DBX2: variants seen among roughly 807,000 people sequenced by gnomAD.
The protein encoded by DBX2 is developing brain homeobox 2, also known as homeobox protein DBX2.
DBX2 carries 16 observed loss-of-function variants against 17.7 expected under a neutral mutation model. The observed-to-expected ratio is 0.90, with a 90% CI of 0.61 to 1.37. The LOEUF is 1.37. Ranked by LOEUF, DBX2 falls within the 40% of genes most tolerant of loss-of-function variation. DBX2 has a pLI of 0.00. For synonymous variants in DBX2, 255 were observed against 183.8 expected, an observed-to-expected ratio of 1.39 and a Z score of -3.13; for missense variants, 538 against 433.8, an observed-to-expected ratio of 1.24 and a Z score of -2.13.
chr12:45,031,958 T>C (rs1946413074), intron 2 of DBX2, among the ~76,000 whole-genome samples: 3 of 152,152 alleles, frequency 2.0e-5, no homozygotes, highest in Non-Finnish European at 4.4e-5. Flanking sequence ...ACTAGGGCTA[T>C]AGACAAGATC....
chr12:45,020,420 C>T (rs1495034), intron 3 of DBX2, among the ~76,000 whole-genome samples: 72,458 of 151,674 alleles, frequency 0.48, 17,669 homozygotes, highest in South Asian at 0.75. Flanking sequence ...GGATATACCA[C>T]ATTTTGTCTA....
At chr12:45,037,174 A>G (rs186042588) in intron 1 of DBX2, among the ~76,000 whole-genome samples, 33 of 152,336 alleles carry the variant, frequency 2.2e-4, no homozygotes, top group African/African-American at 5.5e-4. Context: ...TATAAAGGAT[A>G]AAACATGAAT....
chr12:45,041,417 T>C (rs542651131), intron 1 of DBX2, among the ~76,000 whole-genome samples: 15 of 152,108 alleles, frequency 9.9e-5, no homozygotes, highest in Non-Finnish European at 1.9e-4. Context: ...CAAACATCTA[T>C]CTTGAATAGT....
Position 45,050,608 on chromosome 12 carries a change from A to G in DBX2, c.320T>C (p.Val107Ala). Residue 107 changes from valine to alanine, a missense_variant, in exon 1 of 4, where the codon GTG becomes GCG. Physicochemically the swap from Val to Ala is moderately conservative, Grantham distance 64. Coordinates refer to ENST00000332700, the MANE Select transcript of DBX2 (RefSeq NM_001004329.3). The stretch of plus-strand genomic sequence containing the variant: ...CGCACTGTCCGCAGAGGGACTGAGC[A>G]CTTGAAAAGCCCACCGCGTTCCGTA... ...APYGTRWAFQ[V>A]LSPSADSARL... The G allele has an allele frequency of 6.4e-7, 1 of 1,550,824 alleles. No homozygotes were observed. The highest frequency in any genetic ancestry group is 2.4e-5 in the East Asian group (1 of 40,948).
At chr12:45,021,634 C>T (rs1339583596) in intron 3 of DBX2, among the ~76,000 whole-genome samples, 2 of 152,182 alleles carry the variant, frequency 1.3e-5, no homozygotes, top group African/African-American at 2.4e-5. Context: ...CACTGAGTGG[C>T]AGGCCAGGCC....
intron 1 of DBX2, among the ~76,000 whole-genome samples, chr12:45,042,975 C>A (rs1174424730): frequency 2.6e-5 from 4 of 152,134 alleles, no homozygotes; most frequent in Non-Finnish European, 5.9e-5. Flanking sequence ...AAAAAATGAT[C>A]TAAACTCGAG....
At chr12:45,041,686 A>G (rs1048268071) in intron 1 of DBX2, among the ~76,000 whole-genome samples, 1 of 152,214 alleles carries the variant, frequency 6.6e-6, no homozygotes, top group Non-Finnish European at 1.5e-5. Flanking sequence ...AGATATATCA[A>G]GTGCAGTGTC....
At chr12:45,032,694 C>G (rs1946416681) in intron 2 of DBX2, among the ~76,000 whole-genome samples, 1 of 152,124 alleles carries the variant, frequency 6.6e-6, no homozygotes, top group African/African-American at 2.4e-5. Context: ...AAAGGCACAG[C>G]AGTTTGTTTC....
chr12:45,041,405 A>G (rs1405485536), intron 1 of DBX2, among the ~76,000 whole-genome samples: 2 of 152,162 alleles, frequency 1.3e-5, no homozygotes, highest in African/African-American at 4.8e-5. Flanking sequence ...TCCAAAGAGC[A>G]GCAAACATCT....
rs1946439710 is a variant in DBX2, at chr12:45,036,126, G to A, written c.404-12C>T. The A allele has an allele frequency of 3.1e-6, 5 of 1,591,416 alleles. No homozygotes were observed. The highest frequency in any genetic ancestry group is 1.2e-5 in the South Asian group (1 of 86,948). ...AGGTTTGGAAGGTGCTGCAGAGAAA[G>A]CATTGATCTCATTGATTAGCCATTT... On this transcript the variant is annotated splice_polypyrimidine_tract_variant and intron_variant, in intron 1 of 3. Coordinates refer to ENST00000332700, the MANE Select transcript of DBX2 (RefSeq NM_001004329.3).
Position 45,015,888 on chromosome 12 carries a change from G to A in DBX2, c.*398C>T, listed in dbSNP as rs920648536. On this transcript the variant is annotated 3_prime_UTR_variant, in exon 4 of 4. Transcript: ENST00000332700. Reference sequence around the variant, plus strand: ...AAAAAGTTAATAACATTCTGTCAATGGTAGTTTTCTTCACATAAAAGGAAG... The same window carrying A: ...AAAAAGTTAATAACATTCTGTCAATAGTAGTTTTCTTCACATAAAAGGAAG... The A allele has an allele frequency of 6.4e-6, 1 of 155,132 alleles. No homozygotes were observed. The highest frequency in any genetic ancestry group is 1.9e-4 in the East Asian group (1 of 5,270). The allele number at this position is 155,132 out of a possible 1,614,324, so 9.6% of individuals were successfully genotyped here. A position where few individuals can be genotyped will look rare whatever the true frequency, so the allele number is the denominator to read the frequency against.
At chr12:45,043,846 CTTACCAG>C (rs1340227286) in intron 1 of DBX2, among the ~76,000 whole-genome samples, 2 of 152,184 alleles carry the variant, frequency 1.3e-5, no homozygotes, top group Non-Finnish European at 2.9e-5. Flanking sequence ...TTTCCTGTAT[CTTACCAG>C]TGCGCTTTTG....
chr12:45,018,334 T>C (rs1418518194), intron 3 of DBX2, among the ~76,000 whole-genome samples: 1 of 152,132 alleles, frequency 6.6e-6, no homozygotes, highest in Admixed American at 6.5e-5. Context: ...TCAAGTGATA[T>C]CTCAAAGAAA....
chr12:45,036,938 A>G (rs1291163429), intron 1 of DBX2, among the ~76,000 whole-genome samples: 2 of 152,192 alleles, frequency 1.3e-5, no homozygotes, highest in African/African-American at 4.8e-5. Flanking sequence ...TAATCTATTC[A>G]TAAAGTTTTC....
intron 3 of DBX2, among the ~76,000 whole-genome samples, chr12:45,023,321 A>G (rs2643143): frequency 0.63 from 96,433 of 152,052 alleles, 31,029 homozygotes; most frequent in South Asian, 0.84. Flanking sequence ...AGTGGTTCCT[A>G]CTTTTTGAAG....
At position 45,050,577 on chromosome 12, in the gene DBX2, C is replaced by T. The variant is rs760833649; in HGVS notation, c.351G>A (p.Leu117=). 1 of 1,552,186 alleles carries T rather than the reference C, an allele frequency of 6.4e-7. No individual in the cohort carries two copies. Among genetic ancestry groups the T allele is most frequent in the South Asian group, 1.2e-5 (1 of 84,160 alleles). Residue 117 remains leucine, a synonymous_variant, in exon 1 of 4, where the codon CTG becomes CTA. Transcript: ENST00000332700. ...CTCGGTCCCCCGGAGCCCGGCCCGG[C>T]AGCCTCGCACTGTCCGCAGAGGGAC... ...VLSPSADSAR[L]PGRAPGDRDC... is the part of the protein sequence containing the mutation.
In DBX2 at chr12:45,044,074, C is replaced by T. The variant is rs137863387; in HGVS notation, c.403+6451G>A. On this transcript the variant is annotated intron_variant, in intron 1 of 3. Coordinates refer to ENST00000332700, the MANE Select transcript of DBX2 (RefSeq NM_001004329.3). ...TTTGCCATTTACACGTTGGAGCAAG[C>T]GCTGGCATACTTCTATTATAAAAAG... Among the ~76,000 whole-genome samples the T allele has an allele frequency of 3.6e-3, 552 of 151,380 alleles. 1 individual carries two copies. The highest frequency in any genetic ancestry group is 0.013 in the African/African-American group (528 of 41,494).
In DBX2 at chr12:45,050,820, CTT is replaced by C; in HGVS notation, c.106_107del (p.Lys36GlufsTer43). On this transcript the variant is annotated frameshift_variant, in exon 1 of 4. Transcript: ENST00000332700. LOFTEE classifies it high-confidence loss of function. ...PAAPGFGNLG[K>X]SFLIENLLRV... ...GCAGCAAATTCTCGATCAGGAAACT[CTT>C]GCCCAGGTTGCCAAAGCCGGGCGCA... is the stretch of plus-strand genomic sequence containing the variant. 6.5e-7 allele frequency: 1 copy of C among 1,539,012 alleles called. No individual in the cohort carries two copies. The highest frequency in any genetic ancestry group is 1.2e-5 in the South Asian group (1 of 81,968).
At chr12:45,041,849 T>G (rs1183002177) in intron 1 of DBX2, among the ~76,000 whole-genome samples, 2 of 152,204 alleles carry the variant, frequency 1.3e-5, no homozygotes, top group African/African-American at 4.8e-5. Flanking sequence ...TTCTTTAACT[T>G]ACAGATTTGA....
Sources: gnomAD v4.1 joint callset for allele counts (sites outside exome capture counted in the v4.1 genomes callset) on GRCh38, gnomAD v4.1.1 for gene constraint, MANE v1.5 for transcripts, NCBI Gene and HGNC (gene_info 2026-07-23, HGNC 2026-07-21) for gene names.